TACC2: variants seen among roughly 807,000 people sequenced by gnomAD.
The protein encoded by TACC2 is transforming acidic coiled-coil-containing protein 2.
A neutral mutation model predicts 227.3 loss-of-function variants in TACC2; 137 were observed. The observed-to-expected ratio is 0.60, with a 90% CI of 0.52 to 0.69. The LOEUF (loss-of-function observed/expected upper bound fraction) is 0.69. TACC2 is among the 30% of genes least tolerant of loss of function. The pLI is 0.00. For missense variants in TACC2, 3,470 were observed against 3,694.4 expected, an observed-to-expected ratio of 0.94 and a Z score of 1.57; for synonymous variants, 1,523 against 1,487.5, an observed-to-expected ratio of 1.02 and a Z score of -0.55.
chr10:122,137,618 C>A (rs2089911714), intron 6 of TACC2, among the ~76,000 whole-genome samples: 1 of 152,246 alleles, frequency 6.6e-6, no homozygotes, highest in African/African-American at 2.4e-5. Flanking sequence ...CTGAGAACTT[C>A]AGGACTCCCA....
At chr10:122,135,306 A>C (rs1222392662) in intron 6 of TACC2, among the ~76,000 whole-genome samples, 3 of 152,168 alleles carry the variant, frequency 2.0e-5, no homozygotes, top group African/African-American at 7.2e-5. Context: ...GTAATGCATT[A>C]GGTAATGCAG....
intron 7 of TACC2, among the ~76,000 whole-genome samples, chr10:122,145,752 C>T (rs1364195058): frequency 6.6e-6 from 1 of 152,144 alleles, no homozygotes; most frequent in Admixed American, 6.5e-5. Context: ...GGTCAGAGAG[C>T]ATCTCTGGTG....
At chr10:122,183,437 G>C (rs1242773206) in intron 7 of TACC2, among the ~76,000 whole-genome samples, 1 of 152,174 alleles carries the variant, frequency 6.6e-6, no homozygotes, top group Non-Finnish European at 1.5e-5. Flanking sequence ...CTTTCCTGCA[G>C]AGGTCTGGGA....
chr10:122,013,470 G>T (rs1956190833), intron 1 of TACC2, among the ~76,000 whole-genome samples: 1 of 152,208 alleles, frequency 6.6e-6, no homozygotes, highest in Admixed American at 6.5e-5. Flanking sequence ...AAGGTAGGGA[G>T]TTAGAGCACT....
intron 7 of TACC2, among the ~76,000 whole-genome samples, chr10:122,174,891 A>G (rs1243526637): frequency 6.6e-6 from 1 of 151,956 alleles, no homozygotes; most frequent in Non-Finnish European, 1.5e-5. Context: ...ACAGCATTCT[A>G]CTCTCTGCTT....
intron 5 of TACC2, among the ~76,000 whole-genome samples, chr10:122,119,493 T>C (rs1190620522): frequency 6.6e-6 from 1 of 152,244 alleles, no homozygotes; most frequent in African/African-American, 2.4e-5. Context: ...GCTGAGATCT[T>C]GATCCCAGAG....
chr10:122,137,982 C>G, intron 6 of TACC2, among the ~76,000 whole-genome samples: 1 of 152,238 alleles, frequency 6.6e-6, no homozygotes, highest in Non-Finnish European at 1.5e-5. Flanking sequence ...GCCTCACCAG[C>G]GAGTTTCCAG....
intron 5 of TACC2, among the ~76,000 whole-genome samples, chr10:122,108,255 C>T (rs2083123568): frequency 6.6e-6 from 1 of 151,956 alleles, no homozygotes; most frequent in South Asian, 2.1e-4. Flanking sequence ...TGAGAACATA[C>T]AATGTTTTGT....
In TACC2 at chr10:122,234,727, A is replaced by AT. The variant is rs939265429; in HGVS notation, c.8128-2660dup. Among the ~76,000 whole-genome samples the AT allele has an allele frequency of 1.6e-4, 24 of 152,088 alleles. No individual in the cohort carries two copies. In the South Asian group the frequency reaches 2.1e-3, roughly 13 times the overall value. Reference sequence around the variant, plus strand: ...TCTTAGAAACCCCATTATTTTACTTATTTTTTTTCATTCCCTTTCTTGTTT... The same window carrying AT: ...TCTTAGAAACCCCATTATTTTACTTATTTTTTTTTCATTCCCTTTCTTGTTT... On this transcript the variant is annotated intron_variant, in intron 16 of 22. Coordinates refer to ENST00000369005, the MANE Select transcript of TACC2 (RefSeq NM_206862.4).
chr10:122,109,994 T>G (rs1204109579), intron 5 of TACC2, among the ~76,000 whole-genome samples: 1 of 152,192 alleles, frequency 6.6e-6, no homozygotes, highest in Non-Finnish European at 1.5e-5. Flanking sequence ...TATGTAGAAC[T>G]TAAAGATATG....
intron 5 of TACC2, among the ~76,000 whole-genome samples, chr10:122,095,328 G>A (rs2081261812): frequency 6.6e-6 from 1 of 152,196 alleles, no homozygotes; most frequent in Admixed American, 6.5e-5. Flanking sequence ...GTGATCCTGG[G>A]GCCATCGCCT....
At chr10:122,033,206 G>A (rs1006405236) in intron 2 of TACC2, 16 of 1,188,610 alleles carry the variant, frequency 1.3e-5, no homozygotes, top group Middle Eastern at 2.2e-4. Context: ...CCTTCCTAAC[G>A]TCTAGATGGT....
intron 2 of TACC2, among the ~76,000 whole-genome samples, chr10:122,026,532 A>G (rs1958046580): frequency 1.3e-5 from 2 of 151,924 alleles, no homozygotes; most frequent in South Asian, 4.1e-4. Context: ...TGTGAGGTAC[A>G]CGATTTAGGT....
At chr10:122,076,765 T>C (rs1827267239) in intron 3 of TACC2, among the ~76,000 whole-genome samples, 1 of 151,372 alleles carries the variant, frequency 6.6e-6, no homozygotes, top group African/African-American at 2.4e-5. Flanking sequence ...ATTTGTAAAA[T>C]GAGAGGTTTG....
At chr10:122,069,610 T>C (rs1272186633) in intron 3 of TACC2, among the ~76,000 whole-genome samples, 3 of 152,148 alleles carry the variant, frequency 2.0e-5, no homozygotes, top group Non-Finnish European at 2.9e-5. Context: ...CAGCTAATCC[T>C]CCATTAGCCC....
intron 7 of TACC2, among the ~76,000 whole-genome samples, chr10:122,170,090 T>C (rs1391547128): frequency 6.6e-6 from 1 of 152,042 alleles, no homozygotes; most frequent in African/African-American, 2.4e-5. Context: ...CTTGGATTTC[T>C]CCTGGATAGC....
At chr10:122,172,967 C>T (rs975254186) in intron 7 of TACC2, among the ~76,000 whole-genome samples, 1 of 152,112 alleles carries the variant, frequency 6.6e-6, no homozygotes, top group Non-Finnish European at 1.5e-5. Flanking sequence ...GAGCCTGGGG[C>T]CTAAAGAGGT....
intron 5 of TACC2, among the ~76,000 whole-genome samples, chr10:122,126,316 CTGTGTGTGTGTG>C (rs3037067): frequency 1.6e-4 from 23 of 142,130 alleles, no homozygotes; most frequent in African/African-American, 4.7e-4. Context: ...TAATCCAGAA[CTGTGTGTGTGTG>C]TGTGTGTGTG....
intron 3 of TACC2, among the ~76,000 whole-genome samples, chr10:122,070,753 C>CAAA (rs367744186): frequency 3.0e-5 from 3 of 99,640 alleles, no homozygotes; most frequent in African/African-American, 4.0e-5. Context: ...AATTCCGTCT[C>CAAA]AAAAAAAAAA....
Sources: gnomAD v4.1 joint callset for allele counts (sites outside exome capture counted in the v4.1 genomes callset) on GRCh38, gnomAD v4.1.1 for gene constraint, MANE v1.5 for transcripts, NCBI Gene and HGNC (gene_info 2026-07-23, HGNC 2026-07-21) for gene names.